Variants in WNT8B observed in about 807,000 individuals in gnomAD.
WNT8B encodes the protein Wnt family member 8B.
A neutral mutation model predicts 36.6 loss-of-function variants in WNT8B; 24 were observed. The ratio of observed to expected loss-of-function variants is 0.66; its 90% confidence interval spans 0.48 to 0.92. The LOEUF is 0.92. WNT8B is among the 40% of genes least tolerant of loss of function. The pLI, the probability that WNT8B is intolerant of heterozygous loss-of-function variation, is 0.00. For missense variants in WNT8B, 402 were observed against 470.8 expected, an observed-to-expected ratio of 0.85 and a Z score of 1.35; for synonymous variants, 199 against 189.8, an observed-to-expected ratio of 1.05 and a Z score of -0.40.
At chr10:100,472,238 G>A (rs1164029847) in intron 1 of WNT8B, among the ~76,000 whole-genome samples, 3 of 151,016 alleles carry the variant, frequency 2.0e-5, no homozygotes, top group Admixed American at 6.6e-5. Flanking sequence ...AGCCTCCCAA[G>A]TAGCTGGGAC....
In WNT8B at chr10:100,483,129, T is replaced by G; in HGVS notation, c.*313T>G. The G allele has an allele frequency of 3.2e-6, 1 of 316,968 alleles. No individual in the cohort carries two copies. 19.6% of individuals were successfully genotyped at this position (316,968 alleles called of 1,614,324 possible). On this transcript the variant is annotated 3_prime_UTR_variant, in exon 6 of 6. Transcript: ENST00000343737. ...CTCCTAGCAGCCCTAATGTCTGACCTAGCCTATCAAGCCTTAGGCGCTGGA... is the reference window on the plus strand; with the variant it reads ...CTCCTAGCAGCCCTAATGTCTGACCGAGCCTATCAAGCCTTAGGCGCTGGA...
intron 3 of WNT8B, among the ~76,000 whole-genome samples, 169 bp downstream of exon 3, chr10:100,480,181 T>C (rs997462257): frequency 6.6e-6 from 1 of 152,196 alleles, no homozygotes; most frequent in Non-Finnish European, 1.5e-5. Flanking sequence ...TTTTCCCACC[T>C]GTAGAGTTTT....
intron 1 of WNT8B, among the ~76,000 whole-genome samples, chr10:100,468,607 T>G (rs1404892406): frequency 2.0e-5 from 3 of 152,220 alleles, no homozygotes; most frequent in Non-Finnish European, 2.9e-5. Flanking sequence ...AGTGCTTTTC[T>G]GTAGCTTAGC....
At chr10:100,470,327 CT>C (rs34253384) in intron 1 of WNT8B, among the ~76,000 whole-genome samples, 1 of 152,088 alleles carries the variant, frequency 6.6e-6, no homozygotes, top group South Asian at 2.1e-4. Context: ...GTCTCATTGC[CT>C]TTTTAAAATA....
At chr10:100,480,712 T>C (rs1391895081) in intron 3 of WNT8B, among the ~76,000 whole-genome samples, 1 of 151,958 alleles carries the variant, frequency 6.6e-6, no homozygotes, top group Admixed American at 6.6e-5. Flanking sequence ...TAAGATACAC[T>C]ATAAAGATGG....
At position 100,482,518 on chromosome 10, in the gene WNT8B, C is replaced by T; in HGVS notation, c.758C>T (p.Pro253Leu). The change falls in exon 6 of 6, where the codon CCG (proline) becomes CTG (leucine). Residue 253 changes from proline to leucine, a missense_variant. This residue lies in a region of WNT8B where 256 missense variants were observed against 278.6 expected (regional missense o/e 0.92). Transcript: ENST00000343737. This position sits in a 1 kb window ranked among gnomAD's most constrained non-coding sequence, Gnocchi z 6.6. ...GAGCTGGTGCACCTGGAGGACTCCC[C>T]GGACTACTGCCTGGAGAACAAAACG... The part of the protein sequence containing the change: ...TRELVHLEDS[P>L]DYCLENKTLG... 1.9e-6 allele frequency: 3 copies of T among 1,600,434 alleles called. No homozygotes were observed. Among genetic ancestry groups the T allele is most frequent in the Non-Finnish European group, 2.5e-6 (3 of 1,179,516 alleles).
intron 1 of WNT8B, among the ~76,000 whole-genome samples, chr10:100,466,513 G>T (rs983401865): frequency 1.3e-5 from 2 of 152,002 alleles, no homozygotes; most frequent in Admixed American, 6.6e-5. Context: ...AACAACAAAG[G>T]CTGTGAGTAT....
intron 1 of WNT8B, among the ~76,000 whole-genome samples, chr10:100,468,968 G>A (rs1266497863): frequency 2.0e-5 from 3 of 152,086 alleles, no homozygotes; most frequent in African/African-American, 7.2e-5. Context: ...TTGTCAATTG[G>A]CTTACAAGAC....
chr10:100,474,208 G>A (rs1430061882), intron 1 of WNT8B, among the ~76,000 whole-genome samples: 1 of 152,200 alleles, frequency 6.6e-6, no homozygotes, highest in Non-Finnish European at 1.5e-5. Flanking sequence ...TCCTGAATCT[G>A]GGTAATATTG....
At position 100,463,054 on chromosome 10, in the gene WNT8B, AG is replaced by A; in HGVS notation, c.-113del. The A allele has an allele frequency of 1.1e-6, 1 of 939,190 alleles. No individual in the cohort carries two copies. Among genetic ancestry groups the A allele is most frequent in the Non-Finnish European group, 1.7e-6 (1 of 601,370 alleles). The allele number at this position is 939,190 out of a possible 1,614,324, so 58.2% of individuals were successfully genotyped here. On this transcript the variant is annotated 5_prime_UTR_variant, in exon 1 of 6. Coordinates refer to ENST00000343737, the MANE Select transcript of WNT8B (RefSeq NM_003393.4). ...TCTGTTTGGGATCGCTTACACACCA[AG>A]GAAGTTGGGCTTTGAGAATTCCATC...
At chr10:100,480,065 C>T (rs991182414) in intron 3 of WNT8B, 53 bp downstream of exon 3, 54 of 1,594,748 alleles carry the variant, frequency 3.4e-5, no homozygotes, top group South Asian at 1.5e-4. Context: ...CAGGTTAGAG[C>T]CCCAGGGATA....
At chr10:100,471,550 G>C (rs1201183611) in intron 1 of WNT8B, among the ~76,000 whole-genome samples, 2 of 152,254 alleles carry the variant, frequency 1.3e-5, no homozygotes, top group African/African-American at 2.4e-5. Flanking sequence ...TGCAAAACAT[G>C]GCTTAGGCCG....
rs566124694 is a variant in WNT8B at position 100,473,882 on chromosome 10, C to T, written c.69-5170C>T. ...TGGAGGTTGTAATGAGCCAAGATGG[C>T]GCCACTGCACTCTAGCCTGTGCAAC... On this transcript the variant is annotated intron_variant, in intron 1 of 5. Coordinates refer to ENST00000343737, the MANE Select transcript of WNT8B (RefSeq NM_003393.4). Among the ~76,000 whole-genome samples the T allele has an allele frequency of 8.6e-5, 13 of 152,024 alleles. No homozygotes were observed. In the East Asian group the frequency reaches 1.7e-3, roughly 20 times the overall value.
Position 100,482,718 on chromosome 10 carries a change from C to T in WNT8B, c.958C>T (p.Arg320Cys). The stretch of plus-strand genomic sequence containing the variant: ...CAAGTTCCACTGGTGCTGCGCAGTC[C>T]GCTGCGAGCAGTGCCGCCGGAGGGT... Reference protein sequence around the residue: ...NCKFHWCCAVRCEQCRRRVTK... With the variant: ...NCKFHWCCAVCCEQCRRRVTK... Residue 320 changes from arginine (R) to cysteine (C), a missense_variant, in exon 6 of 6, where the codon CGC becomes TGC. Arg to Cys is a radical substitution (Grantham distance 180). Around this residue, in one of 3 missense-constraint regions of WNT8B, gnomAD observed 256 missense variants for 278.6 expected, o/e 0.92. Coordinates refer to ENST00000343737, the MANE Select transcript of WNT8B (RefSeq NM_003393.4). This position sits in a 1 kb window ranked among gnomAD's most constrained non-coding sequence, Gnocchi z 6.6. The T allele has an allele frequency of 6.2e-7, 1 of 1,608,000 alleles. No individual in the cohort carries two copies. The highest frequency in any genetic ancestry group is 1.1e-5 in the South Asian group (1 of 90,752).
chr10:100,464,918 T>A (rs1850893857), intron 1 of WNT8B, among the ~76,000 whole-genome samples: 1 of 152,352 alleles, frequency 6.6e-6, no homozygotes, highest in South Asian at 2.1e-4. Flanking sequence ...TGATTATGCT[T>A]CTAATGAAAC....
intron 4 of WNT8B, 41 bp downstream of exon 4, chr10:100,481,164 C>T (rs766710565): frequency 1.9e-6 from 3 of 1,606,350 alleles, no homozygotes; most frequent in Non-Finnish European, 2.6e-6. Flanking sequence ...GGCCAGCCAA[C>T]GCACATAAAG....
chr10:100,471,363 C>A (rs1299696332), intron 1 of WNT8B, among the ~76,000 whole-genome samples: 2 of 152,216 alleles, frequency 1.3e-5, no homozygotes, highest in African/African-American at 4.8e-5. Flanking sequence ...CCAGTGTGAG[C>A]AGCAACAGTG....
intron 1 of WNT8B, among the ~76,000 whole-genome samples, chr10:100,475,211 A>G (rs568259329): frequency 6.6e-6 from 1 of 151,948 alleles, no homozygotes; most frequent in Admixed American, 6.6e-5. Context: ...CTGCACTCCA[A>G]TCTGGGCAAG....
intron 1 of WNT8B, among the ~76,000 whole-genome samples, chr10:100,466,106 T>A (rs1241606845): frequency 6.6e-6 from 1 of 151,918 alleles, no homozygotes; most frequent in Non-Finnish European, 1.5e-5. Context: ...CAAGTGAAGA[T>A]CCACTAAAAC....
Sources: allele counts gnomAD v4.1 joint callset (sites outside exome capture counted in the v4.1 genomes callset), GRCh38; gene constraint gnomAD v4.1.1; regional missense constraint gnomAD v4.1.1; non-coding constraint Gnocchi (gnomAD v3.1); transcripts MANE v1.5; gene names NCBI Gene and HGNC (gene_info 2026-07-23, HGNC 2026-07-21).